Variants in GOLM2 observed in about 807,000 individuals in gnomAD.
GOLM2 encodes the protein protein GOLM2.
Under a neutral mutation model 55.9 loss-of-function variants are expected in GOLM2, and 26 were observed. That is an observed-to-expected ratio of 0.47 (90% CI 0.34 to 0.65). The LOEUF (loss-of-function observed/expected upper bound fraction) is 0.65. Among genes scored for constraint, GOLM2 ranks in the 30% least tolerant of loss-of-function variants. The pLI is 0.01. For missense variants in GOLM2, 486 were observed against 531.8 expected, an observed-to-expected ratio of 0.91 and a Z score of 0.85; for synonymous variants, 165 against 194.6, an observed-to-expected ratio of 0.85 and a Z score of 1.27.
At chr15:44,336,740 C>A (rs2079059502) in intron 4 of GOLM2, among the ~76,000 whole-genome samples, 1 of 151,746 alleles carries the variant, frequency 6.6e-6, no homozygotes, top group Admixed American at 6.6e-5. Context: ...CACAGTGAAA[C>A]CCCGTCTCTA....
rs1410753345 is a variant in GOLM2 at position 44,403,014 on chromosome 15, T to C, written c.1200T>C (p.Asn400=). The C allele has an allele frequency of 1.2e-6, 2 of 1,613,874 alleles. No individual in the cohort carries two copies. Among genetic ancestry groups the C allele is most frequent in the African/African-American group, 1.3e-5 (1 of 74,854 alleles). The part of the protein sequence containing the change: ...EADKQAELAY[N]EEEDGDGGEE... ...ACAAGCAGGCTGAGCTGGCTTACAATGAGGAAGAAGATGGTGATGGTGGAG... is the reference window on the plus strand; with the variant it reads ...ACAAGCAGGCTGAGCTGGCTTACAACGAGGAAGAAGATGGTGATGGTGGAG... Residue 400 remains asparagine (N), a synonymous_variant, in exon 9 of 10, where the codon AAT becomes AAC. Coordinates refer to ENST00000299957, the MANE Select transcript of GOLM2 (RefSeq NM_138423.4).
At chr15:44,379,638 T>TATAAA in intron 6 of GOLM2, 52 bp from the exon 7 acceptor site, 4 of 710,022 alleles carry the variant, frequency 5.6e-6, no homozygotes, top group East Asian at 2.8e-5. Context: ...TTTTTTTTTT[T>TATAAA]AGAAATCATA....
At chr15:44,365,225 A>T (rs952501970) in intron 6 of GOLM2, among the ~76,000 whole-genome samples, 2 of 152,172 alleles carry the variant, frequency 1.3e-5, no homozygotes, top group Non-Finnish European at 2.9e-5. Flanking sequence ...AGATATTAAG[A>T]CATGAAAAGA....
intron 1 of GOLM2, among the ~76,000 whole-genome samples, chr15:44,319,503 A>G (rs2078934671): frequency 1.3e-5 from 2 of 152,064 alleles, no homozygotes; most frequent in Non-Finnish European, 2.9e-5. Flanking sequence ...TATAGGCATG[A>G]GCCACCACGC....
chr15:44,360,503 C>A (rs1190155018), intron 6 of GOLM2, among the ~76,000 whole-genome samples: 1 of 152,200 alleles, frequency 6.6e-6, no homozygotes, highest in Non-Finnish European at 1.5e-5. Flanking sequence ...GAAGAGCTAA[C>A]TATCCTAAAT....
At chr15:44,290,334 T>G (rs564810013) in intron 1 of GOLM2, among the ~76,000 whole-genome samples, 5 of 152,210 alleles carry the variant, frequency 3.3e-5, no homozygotes, top group Non-Finnish European at 5.9e-5. Context: ...TTTGGTAATC[T>G]TCACATTTTT....
chr15:44,335,830 T>C (rs901101543), intron 4 of GOLM2, among the ~76,000 whole-genome samples: 5 of 150,942 alleles, frequency 3.3e-5, no homozygotes, highest in Admixed American at 2.0e-4. Flanking sequence ...TTTTTTTTTT[T>C]CTGAGACAGA....
At chr15:44,299,563 G>A (rs2078782451) in intron 1 of GOLM2, among the ~76,000 whole-genome samples, 1 of 152,006 alleles carries the variant, frequency 6.6e-6, no homozygotes, top group South Asian at 2.1e-4. Flanking sequence ...AAATTGACTA[G>A]ATAACTACTC....
intron 6 of GOLM2, among the ~76,000 whole-genome samples, chr15:44,362,384 C>G (rs1226837568): frequency 6.6e-6 from 1 of 151,632 alleles, no homozygotes; most frequent in Non-Finnish European, 1.5e-5. Flanking sequence ...CACAAGCATT[C>G]TTATACACCA....
At chr15:44,358,148 G>A (rs2079210079) in intron 6 of GOLM2, among the ~76,000 whole-genome samples, 1 of 152,218 alleles carries the variant, frequency 6.6e-6, no homozygotes, top group South Asian at 2.1e-4. Flanking sequence ...GAGGCCAGGA[G>A]TTTGAGACCA....
rs531136879 is a variant in GOLM2 at position 44,289,881 on chromosome 15, T to A, written c.327+525T>A. 1.7e-4 allele frequency among the ~76,000 whole-genome samples: 26 copies of A among 152,232 alleles called. No individual in the cohort carries two copies. The highest frequency in any genetic ancestry group is 2.4e-4 in the Non-Finnish European group (16 of 68,026). On this transcript the variant is annotated intron_variant, in intron 1 of 9. Transcript: ENST00000299957. The surrounding 1 kb of genome is among the most constrained non-coding windows in gnomAD (Gnocchi z 4.8). ...TATTGAATAACTAAATAATCAGCTA[T>A]GACTGCCTTTTTGTGATCAAAATGT...
intron 2 of GOLM2, 151 bp from the exon 3 acceptor site, chr15:44,328,534 A>C (rs948226040): frequency 1.8e-6 from 1 of 551,712 alleles, no homozygotes; most frequent in African/African-American, 1.9e-5. Flanking sequence ...AGGATATTAA[A>C]TGTGGTGTTT....
At chr15:44,339,290 C>G (rs958991967) in intron 6 of GOLM2, among the ~76,000 whole-genome samples, 3 of 152,030 alleles carry the variant, frequency 2.0e-5, no homozygotes, top group Non-Finnish European at 4.4e-5. Context: ...TCAGAATTAG[C>G]AAGCTTTGTT....
At chr15:44,363,763 A>G (rs2079261544) in intron 6 of GOLM2, among the ~76,000 whole-genome samples, 1 of 151,012 alleles carries the variant, frequency 6.6e-6, no homozygotes, top group Admixed American at 6.6e-5. Flanking sequence ...TTGCAGCACT[A>G]TTCACAATAG....
At chr15:44,360,979 G>C (rs2079233476) in intron 6 of GOLM2, among the ~76,000 whole-genome samples, 1 of 151,496 alleles carries the variant, frequency 6.6e-6, no homozygotes, top group East Asian at 1.9e-4. Context: ...AATGAAGGCA[G>C]AAATAAAGAT....
chr15:44,323,663 C>T (rs1281149062), intron 2 of GOLM2, among the ~76,000 whole-genome samples: 1 of 151,480 alleles, frequency 6.6e-6, no homozygotes, highest in Non-Finnish European at 1.5e-5. Context: ...TCATCTCCCT[C>T]ACACCCTTTG....
intron 8 of GOLM2, among the ~76,000 whole-genome samples, chr15:44,400,264 T>C (rs1218277827): frequency 6.6e-6 from 1 of 151,994 alleles, no homozygotes; most frequent in Non-Finnish European, 1.5e-5. Context: ...ATGCTCTTTT[T>C]CTTGGCCCCA....
rs540678621 is a variant in GOLM2, at chr15:44,414,629, T to A, written c.*1223T>A. 29 of 152,326 alleles carry A rather than the reference T, an allele frequency of 1.9e-4. No homozygotes were observed. Among genetic ancestry groups the A allele is most frequent in the African/African-American group, 6.0e-4 (25 of 41,578 alleles). The allele number at this position is 152,326 out of a possible 1,614,324, so 9.4% of individuals were successfully genotyped here. A position where few individuals can be genotyped will look rare whatever the true frequency, so the allele number is the denominator to read the frequency against. On this transcript the variant is annotated 3_prime_UTR_variant, in exon 10 of 10. Transcript: ENST00000299957. ...AAAGCTTTTCTGGTAATTTTAGTGATCTTATTTGATTAGACTTTTTCAGAA... is the reference window on the plus strand; with the variant it reads ...AAAGCTTTTCTGGTAATTTTAGTGAACTTATTTGATTAGACTTTTTCAGAA...
intron 2 of GOLM2, among the ~76,000 whole-genome samples, chr15:44,325,406 T>C (rs2078974466): frequency 6.6e-6 from 1 of 152,246 alleles, no homozygotes; most frequent in Non-Finnish European, 1.5e-5. Context: ...TCCTGATAGA[T>C]GAATTTCAAA....
Sources: gnomAD v4.1 joint callset for allele counts (sites outside exome capture counted in the v4.1 genomes callset) on GRCh38, gnomAD v4.1.1 for gene constraint, Gnocchi (gnomAD v3.1) non-coding constraint, MANE v1.5 for transcripts, NCBI Gene and HGNC (gene_info 2026-07-23, HGNC 2026-07-21) for gene names.